Variants in PKNOX2 observed in about 807,000 individuals in gnomAD.
PKNOX2 encodes the protein homeobox protein PKNOX2.
PKNOX2 carries 14 observed loss-of-function variants against 53.1 expected under a neutral mutation model. The ratio of observed to expected loss-of-function variants is 0.26; its 90% confidence interval spans 0.17 to 0.41. The LOEUF (loss-of-function observed/expected upper bound fraction) is 0.41, where lower values mean the gene tolerates loss of function less well. Among genes scored for constraint, PKNOX2 ranks in the 10% least tolerant of loss-of-function variants. The pLI, the probability that PKNOX2 is intolerant of heterozygous loss-of-function variation, is 1.00. For synonymous variants in PKNOX2, 257 were observed against 242.8 expected (o/e 1.06, Z -0.54); for missense variants, 496 against 602.8 (o/e 0.82, Z 1.85).
At chr11:125,288,116 T>C (rs1196315967) in intron 2 of PKNOX2, 2 of 152,130 alleles carry the variant, frequency 1.3e-5, no homozygotes, top group Non-Finnish European at 2.9e-5. Flanking sequence ...TCTTAGGAGT[T>C]CTCTGAGACT....
intron 2 of PKNOX2, among the ~76,000 whole-genome samples, chr11:125,286,839 G>A (rs997839811): frequency 1.4e-4 from 22 of 152,244 alleles, no homozygotes; most frequent in African/African-American, 5.3e-4. Context: ...GAGTCTCCCA[G>A]GCCTGACTTG....
At chr11:125,293,444 T>C (rs1947439413) in intron 2 of PKNOX2, among the ~76,000 whole-genome samples, 1 of 152,164 alleles carries the variant, frequency 6.6e-6, no homozygotes, top group Non-Finnish European at 1.5e-5. Flanking sequence ...CCTGGGGAGC[T>C]CACCACAGTG....
At chr11:125,322,536 C>T (rs1371147809) in intron 2 of PKNOX2, among the ~76,000 whole-genome samples, 1 of 152,210 alleles carries the variant, frequency 6.6e-6, no homozygotes, top group Admixed American at 6.5e-5. Context: ...CCCGCCCCAC[C>T]CAGGATGGCG....
intron 2 of PKNOX2, among the ~76,000 whole-genome samples, chr11:125,248,191 G>A (rs1943704661): frequency 6.6e-6 from 1 of 152,220 alleles, no homozygotes; most frequent in African/African-American, 2.4e-5. Flanking sequence ...TCAGAGGGAG[G>A]TGTCTGGGTT....
chr11:125,305,585 C>G (rs12273605), intron 2 of PKNOX2, among the ~76,000 whole-genome samples: 1 of 152,002 alleles, frequency 6.6e-6, no homozygotes, highest in African/African-American at 2.4e-5. Context: ...ACTCAGCGCA[C>G]GGCACCCACT....
At chr11:125,287,032 T>A (rs1946951414) in intron 2 of PKNOX2, among the ~76,000 whole-genome samples, 1 of 152,226 alleles carries the variant, frequency 6.6e-6, no homozygotes, top group Non-Finnish European at 1.5e-5. Flanking sequence ...CTGATGCCTG[T>A]GAATTTGCCG....
At chr11:125,195,377 T>C (rs1462085441) in intron 1 of PKNOX2, among the ~76,000 whole-genome samples, 1 of 152,156 alleles carries the variant, frequency 6.6e-6, no homozygotes, top group East Asian at 1.9e-4. Flanking sequence ...TAGGTGATAT[T>C]ATAAAACGAA....
At chr11:125,258,842 C>A in intron 2 of PKNOX2, 1 of 353,378 alleles carries the variant, frequency 2.8e-6, no homozygotes, top group Non-Finnish European at 5.8e-6. Context: ...TGCTTTGGGT[C>A]CCCTGGGGAT....
chr11:125,211,480 A>G (rs1414689659), intron 1 of PKNOX2, among the ~76,000 whole-genome samples: 1 of 152,158 alleles, frequency 6.6e-6, no homozygotes, highest in African/African-American at 2.4e-5. Flanking sequence ...ATAAACATCT[A>G]TATAATACAA....
intron 3 of PKNOX2, among the ~76,000 whole-genome samples, chr11:125,342,164 AC>A (rs1459848009): frequency 2.0e-5 from 3 of 147,462 alleles, no homozygotes; most frequent in Non-Finnish European, 4.5e-5. Flanking sequence ...CTGACTCTTG[AC>A]TTTTTTTTTT....
chr11:125,296,338 A>G (rs916786569), intron 2 of PKNOX2, among the ~76,000 whole-genome samples: 1 of 152,024 alleles, frequency 6.6e-6, no homozygotes, highest in Non-Finnish European at 1.5e-5. Flanking sequence ...CCCAATACAG[A>G]TCCCTGCCAG....
chr11:125,427,127 G>A (rs1190756631), intron 10 of PKNOX2, among the ~76,000 whole-genome samples: 1 of 152,190 alleles, frequency 6.6e-6, no homozygotes, highest in Non-Finnish European at 1.5e-5. Context: ...CACAAATAGG[G>A]AGGTTGGAGC....
chr11:125,308,760 C>T (rs1349414621), intron 2 of PKNOX2, among the ~76,000 whole-genome samples: 2 of 152,214 alleles, frequency 1.3e-5, no homozygotes, highest in African/African-American at 4.8e-5. Context: ...GACGGCAGCT[C>T]TCCCATTCTG....
In PKNOX2 at chr11:125,392,543, C is replaced by G. The variant is rs77715084; in HGVS notation, c.400-5331C>G. ...ATCCTTCAGCTGCACTTTATTAGAC[C>G]AAAGGATAAGTCCACTTTTGGTCAC... On this transcript the variant is annotated intron_variant, in intron 6 of 12. Transcript: ENST00000298282. 7.9e-3 allele frequency among the ~76,000 whole-genome samples: 1,196 copies of G among 152,310 alleles called. 12 individuals carry two copies. The highest frequency in any genetic ancestry group is 0.026 in the African/African-American group (1,075 of 41,558).
intron 2 of PKNOX2, among the ~76,000 whole-genome samples, chr11:125,312,334 C>T (rs1248342959): frequency 6.6e-6 from 1 of 152,136 alleles, no homozygotes; most frequent in Non-Finnish European, 1.5e-5. Flanking sequence ...GAGGGGAGGA[C>T]CAGGAAGGCA....
At chr11:125,195,530 A>G (rs536413348) in intron 1 of PKNOX2, among the ~76,000 whole-genome samples, 3 of 152,182 alleles carry the variant, frequency 2.0e-5, no homozygotes, top group African/African-American at 7.2e-5. Context: ...TGTGGAGGCC[A>G]AAAGAGGAGA....
chr11:125,416,858 G>C (rs1461142067), intron 10 of PKNOX2, among the ~76,000 whole-genome samples: 2 of 152,006 alleles, frequency 1.3e-5, no homozygotes, highest in Non-Finnish European at 2.9e-5. Flanking sequence ...GGTTCCCTTT[G>C]TCCTATGTCT....
At chr11:125,424,899 AGAG>A (rs1315016768) in intron 10 of PKNOX2, among the ~76,000 whole-genome samples, 1 of 152,204 alleles carries the variant, frequency 6.6e-6, no homozygotes, top group Non-Finnish European at 1.5e-5. Context: ...AGTTTAGTCC[AGAG>A]GAGAGTTGCG....
At chr11:125,227,520 C>G (rs966478052) in intron 1 of PKNOX2, among the ~76,000 whole-genome samples, 1 of 152,302 alleles carries the variant, frequency 6.6e-6, no homozygotes, top group East Asian at 1.9e-4. Flanking sequence ...ATAGTATCCT[C>G]GAGGTTCATC....
Sources: gnomAD v4.1 joint callset for allele counts (sites outside exome capture counted in the v4.1 genomes callset) on GRCh38, gnomAD v4.1.1 for gene constraint, MANE v1.5 for transcripts, NCBI Gene and HGNC (gene_info 2026-07-23, HGNC 2026-07-21) for gene names.